The following PEX7 variants were observed in gnomAD, a reference collection of about 807,000 sequenced individuals.
The protein encoded by PEX7 is peroxisomal biogenesis factor 7.
A neutral mutation model predicts 47.5 loss-of-function variants in PEX7; 34 were observed. The ratio of observed to expected loss-of-function variants is 0.72; its 90% confidence interval spans 0.54 to 0.95. The LOEUF (loss-of-function observed/expected upper bound fraction) is 0.95. Among genes scored for constraint, PEX7 ranks in the 40% least tolerant of loss-of-function variants. The pLI, the probability that PEX7 is intolerant of heterozygous loss-of-function variation, is 0.00. For missense variants in PEX7, 394 were observed against 400.3 expected, an observed-to-expected ratio of 0.98 and a Z score of 0.13; for synonymous variants, 141 against 148.8, an observed-to-expected ratio of 0.95 and a Z score of 0.38.
intron 8 of PEX7, among the ~76,000 whole-genome samples, chr6:136,873,815 T>G (rs954861543): frequency 1.6e-4 from 24 of 152,218 alleles, no homozygotes; most frequent in African/African-American, 4.8e-4. Flanking sequence ...TCCTATTTTC[T>G]TGAGTTTTTT....
chr6:136,830,414 T>A (rs1014727497), intron 3 of PEX7, among the ~76,000 whole-genome samples: 2 of 152,168 alleles, frequency 1.3e-5, no homozygotes, highest in Admixed American at 1.3e-4. Flanking sequence ...GATTTAGATA[T>A]ATTTTAGGCT....
intron 8 of PEX7, among the ~76,000 whole-genome samples, chr6:136,891,222 G>A (rs1489331973): frequency 6.6e-6 from 1 of 152,146 alleles, no homozygotes; most frequent in East Asian, 1.9e-4. Flanking sequence ...AGGCTTTGTG[G>A]TATGTGGTTC....
intron 8 of PEX7, among the ~76,000 whole-genome samples, chr6:136,877,899 T>G (rs531844484): frequency 1.3e-5 from 2 of 152,340 alleles, no homozygotes; most frequent in African/African-American, 4.8e-5. Context: ...TTGGGTGGTA[T>G]GGTCATTTTC....
At position 136,850,841 on chromosome 6, in the gene PEX7, T is replaced by C. The variant is rs574000402; in HGVS notation, c.526+4660T>C. ...AGCCATTGCAGTAAATCAGAGCACC[T>C]AGGAAAGACTAAGTCAAAGAAACCT... On this transcript the variant is annotated intron_variant, in intron 5 of 9. Transcript: ENST00000318471. Among the ~76,000 whole-genome samples the C allele has an allele frequency of 3.4e-5, 5 of 148,370 alleles. No individual in the cohort carries two copies. The South Asian group carries it at 1.1e-3, about 32-fold the overall frequency.
At chr6:136,826,175 C>T (rs1286346473) in intron 2 of PEX7, 144 bp from the exon 3 acceptor site, 19 of 877,796 alleles carry the variant, frequency 2.2e-5, no homozygotes, top group South Asian at 4.2e-5. Flanking sequence ...ACTTAACTCC[C>T]GTAGTTGTGC....
At chr6:136,894,071 T>G (rs1276314670) in intron 8 of PEX7, among the ~76,000 whole-genome samples, 1 of 152,200 alleles carries the variant, frequency 6.6e-6, no homozygotes, top group East Asian at 1.9e-4. Flanking sequence ...GGTACCCACC[T>G]GTAGTCCCAG....
intron 8 of PEX7, among the ~76,000 whole-genome samples, chr6:136,880,398 A>G (rs1253958391): frequency 6.6e-6 from 1 of 152,060 alleles, no homozygotes; most frequent in Non-Finnish European, 1.5e-5. Flanking sequence ...ATTTTCACTC[A>G]TAGGATGCAC....
chr6:136,899,470 C>G (rs186112702), intron 9 of PEX7, among the ~76,000 whole-genome samples: 1 of 152,260 alleles, frequency 6.6e-6, no homozygotes, highest in East Asian at 1.9e-4. Context: ...TCTCAAACTG[C>G]TAACCTCAAG....
intron 5 of PEX7, among the ~76,000 whole-genome samples, chr6:136,864,886 CA>C: frequency 6.6e-6 from 1 of 152,148 alleles, no homozygotes; most frequent in South Asian, 2.1e-4. Flanking sequence ...CCTATAACCA[CA>C]AAATGGCATT....
In PEX7 at chr6:136,864,045, T is replaced by C. The variant is rs527671002; in HGVS notation, c.527-2582T>C. On this transcript the variant is annotated intron_variant, in intron 5 of 9. Transcript: ENST00000318471. ...CTCCTTGGGTTCTGGTTCCAGGTCC[T>C]GGTTCTGTTGCTTACTATCCTGGGT... Among the ~76,000 whole-genome samples the C allele has an allele frequency of 4.6e-5, 7 of 152,322 alleles. No homozygotes were observed. In the South Asian group the frequency reaches 1.5e-3, roughly 32 times the overall value.
chr6:136,867,957 C>G (rs1014916898), intron 6 of PEX7, among the ~76,000 whole-genome samples: 1 of 151,114 alleles, frequency 6.6e-6, no homozygotes, highest in African/African-American at 2.5e-5. Context: ...ACTGACTCAC[C>G]CAGAGTAATT....
intron 1 of PEX7, chr6:136,823,052 C>A (rs1774112495): frequency 1.0e-6 from 1 of 985,328 alleles, no homozygotes; most frequent in African/African-American, 1.7e-5. Flanking sequence ...TGTCCTTGTT[C>A]CTTGAGACCG....
At chr6:136,866,411 C>T (rs1415733453) in intron 5 of PEX7, among the ~76,000 whole-genome samples, 1 of 152,084 alleles carries the variant, frequency 6.6e-6, no homozygotes, top group Non-Finnish European at 1.5e-5. Flanking sequence ...TCAAATTTTC[C>T]TCCTAATAGC....
intron 1 of PEX7, among the ~76,000 whole-genome samples, chr6:136,824,861 A>G (rs1582731792): frequency 1.3e-5 from 2 of 152,216 alleles, no homozygotes; most frequent in African/African-American, 4.8e-5. Context: ...GATAACACCA[A>G]CTTGGAAGGT....
intron 3 of PEX7, among the ~76,000 whole-genome samples, chr6:136,841,139 T>A (rs1231771445): frequency 6.6e-6 from 1 of 152,212 alleles, no homozygotes; most frequent in Non-Finnish European, 1.5e-5. Flanking sequence ...GTTGAATAGA[T>A]GAGTGAATTG....
intron 3 of PEX7, among the ~76,000 whole-genome samples, chr6:136,837,361 C>CTAAAAAAAAAAAAAA (rs1774407787): frequency 1.2e-5 from 1 of 83,452 alleles, no homozygotes; most frequent in African/African-American, 4.7e-5. Context: ...GAGTCTGTCA[C>CTAAAAAAAAAAAAAA]AAAAAAAAAA....
chr6:136,913,510 T>C lies in PEX7; in HGVS notation c.956T>C (p.Leu319Pro). 6.2e-7 allele frequency: 1 copy of C among 1,611,014 alleles called. No homozygotes were observed. The highest frequency in any genetic ancestry group is 8.5e-7 in the Non-Finnish European group (1 of 1,177,466). The change falls in exon 10 of 10, where the codon CTT becomes CCT. Residue 319 changes from leucine (L) to proline (P), a missense_variant. Transcript: ENST00000318471. Reference sequence around the variant, plus strand: ...ATAAAGATCTATGACCCTGCTTGTCTTACTATTCCTGCTTGAGATACACTA... The same window carrying C: ...ATAAAGATCTATGACCCTGCTTGTCCTACTATTCCTGCTTGAGATACACTA... ...ETIKIYDPAC[L>P]TIPA
intron 9 of PEX7, among the ~76,000 whole-genome samples, chr6:136,905,946 T>A (rs964021402): frequency 3.9e-5 from 6 of 152,226 alleles, no homozygotes; most frequent in African/African-American, 1.4e-4. Flanking sequence ...AATGAGTTAT[T>A]TCTCACCAAT....
Position 136,837,361 on chromosome 6 carries a change from C to CAAAAAAAAAAAA in PEX7, c.340-8251_340-8240dup, listed in dbSNP as rs58922622. ...TGGGCGACAGAGTGAGAGTCTGTCA[C>CAAAAAAAAAAAA]AAAAAAAAAAAAAAGAAACTGAAAG... On this transcript the variant is annotated intron_variant, in intron 3 of 9. Coordinates refer to ENST00000318471, the MANE Select transcript of PEX7 (RefSeq NM_000288.4). Among the ~76,000 whole-genome samples, 166 of 83,400 alleles carry CAAAAAAAAAAAA rather than the reference C, an allele frequency of 2.0e-3. 21 individuals carry two copies. In the South Asian group the frequency reaches 0.021, roughly 11 times the overall value. The allele number at this position is 83,400 out of a possible 152,430, so 54.7% of individuals were successfully genotyped here. A position where few individuals can be genotyped will look rare whatever the true frequency, so the allele number is the denominator to read the frequency against.
Sources: gnomAD v4.1 joint callset for allele counts (sites outside exome capture counted in the v4.1 genomes callset) on GRCh38, gnomAD v4.1.1 for gene constraint, MANE v1.5 for transcripts, NCBI Gene and HGNC (gene_info 2026-07-23, HGNC 2026-07-21) for gene names.